The following ARID1A variants were observed in gnomAD, a reference collection of about 807,000 sequenced individuals.
ARID1A encodes AT-rich interaction domain 1A.
Under a neutral mutation model 212.6 loss-of-function variants are expected in ARID1A, and 20 were observed. The observed-to-expected ratio is 0.09, with a 90% CI of 0.07 to 0.14. ARID1A has a LOEUF of 0.14. Among genes scored for constraint, ARID1A ranks in the 10% least tolerant of loss-of-function variants. The pLI, the probability that ARID1A is intolerant of heterozygous loss-of-function variation, is 1.00. For missense variants in ARID1A, 2,587 were observed against 3,059.0 expected (o/e 0.85, Z 3.64); for synonymous variants, 1,376 against 1,222.1 (o/e 1.13, Z -2.63).
At chr1:26,767,735 T>G (rs998968112) in intron 10 of ARID1A, 55 bp from the exon 11 acceptor site, 9 of 1,502,648 alleles carry the variant, frequency 6.0e-6, no homozygotes, top group Admixed American at 3.6e-5. Flanking sequence ...CTGAGACCCT[T>G]AGCACAGGCT....
rs757005517 is a variant in ARID1A at position 26,780,165 on chromosome 1, A to G, written c.6267A>G (p.Leu2089=). ...GCCTGCCTGTCCTGGACGGACTCCTACACTGGGCAGTTTGCCCTTCAGCTG... is the reference window on the plus strand; with the variant it reads ...GCCTGCCTGTCCTGGACGGACTCCTGCACTGGGCAGTTTGCCCTTCAGCTG... ...SICLPVLDGL[L]HWAVCPSAEA... is the part of the protein sequence containing the mutation. The change falls in exon 20 of 20, where the codon CTA becomes CTG. Residue 2089 remains leucine (L), a synonymous_variant. Transcript: ENST00000324856. This position sits in a 1 kb window ranked among gnomAD's most constrained non-coding sequence, Gnocchi z 7.2. 2 of 1,614,100 alleles carry G rather than the reference A, an allele frequency of 1.2e-6. No homozygotes were observed. The highest frequency in any genetic ancestry group is 1.7e-6 in the Non-Finnish European group (2 of 1,180,010).
At chr1:26,705,143 CTT>C (rs879406708) in intron 1 of ARID1A, among the ~76,000 whole-genome samples, 6 of 144,110 alleles carry the variant, frequency 4.2e-5, no homozygotes, top group Non-Finnish European at 3.1e-5. Flanking sequence ...TACTGCAGAC[CTT>C]TTTTTTTTTT....
chr1:26,779,937 G>A lies in ARID1A; in HGVS notation c.6039G>A (p.Lys2013=). ...CAGGGCTGCTGCTCATCCTGGGCAA[G>A]CTGATCCTGCTGCACCACAAGCACC... ...KHPGLLLILG[K]LILLHHKHPE... is the part of the protein sequence containing the mutation. The change falls in exon 20 of 20, where the codon AAG becomes AAA. Residue 2013 remains lysine (K), a synonymous_variant. Coordinates refer to ENST00000324856, the MANE Select transcript of ARID1A (RefSeq NM_006015.6). The A allele has an allele frequency of 6.2e-7, 1 of 1,614,162 alleles. No individual in the cohort carries two copies. The highest frequency in any genetic ancestry group is 8.5e-7 in the Non-Finnish European group (1 of 1,180,014).
chr1:26,774,075 A>G lies in ARID1A; in HGVS notation c.4101+177A>G, dbSNP rs1207005366. 8.4e-6 allele frequency: 9 copies of G among 1,071,994 alleles called. No homozygotes were observed. The highest frequency in any genetic ancestry group is 1.2e-5 in the Non-Finnish European group (9 of 756,362). The allele number at this position is 1,071,994 out of a possible 1,614,324, so 66.4% of individuals were successfully genotyped here. The stretch of plus-strand genomic sequence containing the variant: ...CGTCCTCAATCTCTTCTCTATTTGG[A>G]GTTGGAAGGGGCTAGAAATAGACCT... On this transcript the variant is annotated intron_variant, in intron 17 of 19. Transcript: ENST00000324856. This position sits in a 1 kb window ranked among gnomAD's most constrained non-coding sequence, Gnocchi z 5.6.
intron 2 of ARID1A, among the ~76,000 whole-genome samples, chr1:26,730,361 C>T (rs753278075): frequency 1.2e-4 from 19 of 152,090 alleles, no homozygotes; most frequent in Non-Finnish European, 2.4e-4. Flanking sequence ...TTAAGATTTC[C>T]CCTTATCCAT....
At position 26,697,380 on chromosome 1, in the gene ARID1A, G is replaced by T. The variant is rs1421209084; in HGVS notation, c.977G>T (p.Gly326Val). 1.5e-6 allele frequency: 2 copies of T among 1,316,210 alleles called. No homozygotes were observed. Among genetic ancestry groups the T allele is most frequent in the Non-Finnish European group, 1.9e-6 (2 of 1,039,986 alleles). The allele number at this position is 1,316,210 out of a possible 1,614,324, so 81.5% of individuals were successfully genotyped here. A position where few individuals can be genotyped will look rare whatever the true frequency, so the allele number is the denominator to read the frequency against. The change falls in exon 1 of 20, where the codon GGC (glycine) becomes GTC (valine). Residue 326 changes from glycine (G) to valine (V), a missense_variant. Coordinates refer to ENST00000324856, the MANE Select transcript of ARID1A (RefSeq NM_006015.6). ...YSGGPQDGGAGKGPADMASQC... is the reference protein window; with the variant it reads ...YSGGPQDGGAVKGPADMASQC... ...GGCGGGCCCCAGGACGGGGGCGCCG[G>T]CAAGGGCCCGGCGGACATGGCCTCG... is the stretch of plus-strand genomic sequence containing the variant.
rs2124069764 is a variant in ARID1A, at chr1:26,763,191, G to C, written c.2638G>C (p.Gly880Arg). 1 of 1,614,264 alleles carries C rather than the reference G, an allele frequency of 6.2e-7. No homozygotes were observed. Among genetic ancestry groups the C allele is most frequent in the Non-Finnish European group, 8.5e-7 (1 of 1,180,050 alleles). ...PNMANMPPQVGSGMCPPPGGM... is the reference protein window; with the variant it reads ...PNMANMPPQVRSGMCPPPGGM... Reference sequence around the variant, plus strand: ...CATGGCCAATATGCCACCTCAGGTTGGGTCAGGGATGTGTCCCCCACCAGG... The same window carrying C: ...CATGGCCAATATGCCACCTCAGGTTCGGTCAGGGATGTGTCCCCCACCAGG... The change falls in exon 8 of 20, where the codon GGG becomes CGG. Residue 880 changes from glycine to arginine, a missense_variant. Gly to Arg is a moderately radical substitution (Grantham distance 125). Transcript: ENST00000324856.
intron 1 of ARID1A, among the ~76,000 whole-genome samples, chr1:26,720,230 CAG>C (rs1003986991): frequency 6.8e-6 from 1 of 147,748 alleles, no homozygotes; most frequent in African/African-American, 2.5e-5. Flanking sequence ...AGCCTGGTGA[CAG>C]AGCGAGGCTC....
chr1:26,700,022 C>T (rs1259401643), intron 1 of ARID1A, among the ~76,000 whole-genome samples: 1 of 152,206 alleles, frequency 6.6e-6, no homozygotes, highest in Non-Finnish European at 1.5e-5. Flanking sequence ...ACCCACACAA[C>T]ATAGATTCCT....
intron 1 of ARID1A, among the ~76,000 whole-genome samples, chr1:26,704,629 G>A (rs944592865): frequency 3.3e-5 from 5 of 152,114 alleles, no homozygotes; most frequent in African/African-American, 1.2e-4. Context: ...AGGCCAAGGT[G>A]GGAGGATTGC....
intron 8 of ARID1A, 96 bp downstream of exon 8, chr1:26,763,381 GA>G: frequency 2.2e-6 from 3 of 1,351,628 alleles, no homozygotes; most frequent in South Asian, 1.5e-5. Context: ...ACCAGGGGGG[GA>G]AAATGGGTGT....
chr1:26,750,488 CCTTCCCGT>C (rs2080874456), intron 4 of ARID1A, among the ~76,000 whole-genome samples: 1 of 152,048 alleles, frequency 6.6e-6, no homozygotes, highest in African/African-American at 2.4e-5. Flanking sequence ...TAGAAAGGAG[CCTTCCCGT>C]CTTGTAGCTT....
rs1302313826 is a variant in ARID1A at position 26,779,201 on chromosome 1, T to C, written c.5303T>C (p.Leu1768Pro). ...PMEGGEEEEE[L>P]LGPKLEEEEE... ...GAGGGTGGGGAAGAAGAAGAAGAAC[T>C]TCTAGGTCCTAAACTAGAAGAGGAA... The change falls in exon 20 of 20, where the codon CTT becomes CCT. Residue 1768 changes from leucine (L) to proline (P), a missense_variant. Around this residue, in one of 11 missense-constraint regions of ARID1A, gnomAD observed 890 missense variants for 1,098.2 expected, o/e 0.81. Transcript: ENST00000324856. 3.7e-6 allele frequency: 6 copies of C among 1,611,958 alleles called. No individual in the cohort carries two copies. The highest frequency in any genetic ancestry group is 4.5e-5 in the East Asian group (2 of 44,854).
Position 26,729,876 on chromosome 1 carries a change from T to A in ARID1A, c.1350+13T>A, listed in dbSNP as rs752753919. On this transcript the variant is annotated intron_variant, in intron 2 of 19. Transcript: ENST00000324856. ...TTATACACAGCAGGTAGATGGTGAT[T>A]GTGATTACCTTGACCCTTGTTGCTG... The A allele has an allele frequency of 2.5e-6, 4 of 1,610,758 alleles. No individual in the cohort carries two copies. The highest frequency in any genetic ancestry group is 3.4e-6 in the Non-Finnish European group (4 of 1,177,740).
At position 26,766,271 on chromosome 1, in the gene ARID1A, C is replaced by A; in HGVS notation, c.2783C>A (p.Pro928His). 1 of 1,614,138 alleles carries A rather than the reference C, an allele frequency of 6.2e-7. No homozygotes were observed. The change falls in exon 9 of 20, where the codon CCT becomes CAT. Residue 928 changes from proline (P) to histidine (H), a missense_variant. Around this residue, in one of 11 missense-constraint regions of ARID1A, gnomAD observed 674 missense variants for 813.4 expected, o/e 0.83. Coordinates refer to ENST00000324856, the MANE Select transcript of ARID1A (RefSeq NM_006015.6). ...CAAGGGGGCATGATGGGAACTGGACCTCCTTATGGACAAGGGATTAATAGT... is the reference window on the plus strand; with the variant it reads ...CAAGGGGGCATGATGGGAACTGGACATCCTTATGGACAAGGGATTAATAGT... ...MNQGGMMGTG[P>H]PYGQGINSMA...
intron 4 of ARID1A, among the ~76,000 whole-genome samples, chr1:26,758,520 G>A (rs1379103071): frequency 6.6e-6 from 1 of 152,060 alleles, no homozygotes; most frequent in African/African-American, 2.4e-5. Context: ...TCAGGAGGCT[G>A]AGGTAAGAGG....
At position 26,763,873 on chromosome 1, in the gene ARID1A, C is replaced by G. The variant is rs375690531; in HGVS notation, c.2732+588C>G. ...GCATGACCACAGTTCACTGCAGCCT[C>G]GACCTCCCAGGCTCAAGTGATCCTC... On this transcript the variant is annotated intron_variant, in intron 8 of 19. Coordinates refer to ENST00000324856, the MANE Select transcript of ARID1A (RefSeq NM_006015.6). Among the ~76,000 whole-genome samples, 20 of 152,218 alleles carry G rather than the reference C, an allele frequency of 1.3e-4. 1 individual carries two copies. In the East Asian group the frequency reaches 3.8e-3, roughly 29 times the overall value.
chr1:26,724,965 T>A (rs1026057492), intron 1 of ARID1A, among the ~76,000 whole-genome samples: 10 of 152,062 alleles, frequency 6.6e-5, no homozygotes, highest in African/African-American at 2.2e-4. Context: ...GATGAGGAGT[T>A]TTCTTATGGC....
intron 1 of ARID1A, among the ~76,000 whole-genome samples, chr1:26,709,036 A>G (rs942286484): frequency 9.2e-5 from 14 of 152,142 alleles, no homozygotes; most frequent in Non-Finnish European, 2.1e-4. Context: ...ATGAACACAT[A>G]AAGTTGAGTG....
Sources: allele counts gnomAD v4.1 joint callset (sites outside exome capture counted in the v4.1 genomes callset), GRCh38; gene constraint gnomAD v4.1.1; regional missense constraint gnomAD v4.1.1; non-coding constraint Gnocchi (gnomAD v3.1); transcripts MANE v1.5; gene names NCBI Gene and HGNC (gene_info 2026-07-23, HGNC 2026-07-21).